LDB2: variants seen among roughly 807,000 people sequenced by gnomAD.
LDB2 encodes LIM domain binding 2.
In LDB2, 12 loss-of-function variants were observed where a neutral mutation model predicts 44.3. That is an observed-to-expected ratio of 0.27 (90% CI 0.17 to 0.44). LDB2 has a LOEUF of 0.44. Ranked by LOEUF, LDB2 falls within the 20% of genes least tolerant of loss-of-function variation. LDB2 has a pLI of 1.00. For synonymous variants in LDB2, 164 were observed against 174.8 expected, an observed-to-expected ratio of 0.94 and a Z score of 0.49; for missense variants, 344 against 473.5, an observed-to-expected ratio of 0.73 and a Z score of 2.54.
chr4:16,814,346 A>G (rs1303060973), intron 1 of LDB2, among the ~76,000 whole-genome samples: 3 of 152,334 alleles, frequency 2.0e-5, no homozygotes, highest in Admixed American at 6.5e-5. Flanking sequence ...AGATTCAGAC[A>G]GTTGGATTCT....
chr4:16,785,647 C>T (rs1416653242), intron 1 of LDB2, among the ~76,000 whole-genome samples: 1 of 152,152 alleles, frequency 6.6e-6, no homozygotes, highest in Non-Finnish European at 1.5e-5. Context: ...CTGAGAAATG[C>T]ATGGCAGATA....
chr4:16,784,810 T>C (rs540894289), intron 1 of LDB2, among the ~76,000 whole-genome samples: 8 of 152,294 alleles, frequency 5.3e-5, no homozygotes, highest in African/African-American at 1.9e-4. Flanking sequence ...ATATACCCTA[T>C]GCACTCTGCA....
At chr4:16,604,168 C>A (rs1357123475) in intron 2 of LDB2, among the ~76,000 whole-genome samples, 2 of 152,072 alleles carry the variant, frequency 1.3e-5, no homozygotes, top group Non-Finnish European at 1.5e-5. Flanking sequence ...ATATGTTGCA[C>A]CCTCTGAAGT....
Position 16,582,446 on chromosome 4 carries a change from A to G in LDB2, c.615+3476T>C, listed in dbSNP as rs1018246192. ...ACTTCTGCTTCCCAACAAACAAGGC[A>G]AAGGACACATTTCCGAGTTCCTGGC... On this transcript the variant is annotated intron_variant, in intron 5 of 7. Transcript: ENST00000304523. The surrounding 1 kb of genome is among the most constrained non-coding windows in gnomAD (Gnocchi z 4.8). 6.6e-6 allele frequency among the ~76,000 whole-genome samples: 1 copy of G among 152,140 alleles called. No homozygotes were observed.
chr4:16,646,609 A>G (rs1403129248), intron 2 of LDB2, among the ~76,000 whole-genome samples: 1 of 152,218 alleles, frequency 6.6e-6, no homozygotes, highest in African/African-American at 2.4e-5. Context: ...GCTTGGAGTC[A>G]AGCCCTACCA....
chr4:16,701,551 C>T (rs766545558), intron 2 of LDB2, among the ~76,000 whole-genome samples: 4 of 152,176 alleles, frequency 2.6e-5, no homozygotes, highest in Non-Finnish European at 4.4e-5. Flanking sequence ...ACACTGTGAT[C>T]GTAACCCGCA....
intron 2 of LDB2, among the ~76,000 whole-genome samples, chr4:16,601,068 G>A (rs1383084855): frequency 6.6e-6 from 1 of 151,712 alleles, no homozygotes; most frequent in Non-Finnish European, 1.5e-5. Flanking sequence ...GAAAATATTC[G>A]AACTAGTTAT....
At chr4:16,608,655 C>G (rs550110429) in intron 2 of LDB2, among the ~76,000 whole-genome samples, 2 of 152,200 alleles carry the variant, frequency 1.3e-5, no homozygotes, top group Admixed American at 6.5e-5. Flanking sequence ...ACATAACAAG[C>G]GCACCGGACT....
intron 5 of LDB2, among the ~76,000 whole-genome samples, chr4:16,557,932 C>G (rs1397207161): frequency 1.3e-5 from 2 of 152,338 alleles, no homozygotes; most frequent in East Asian, 3.9e-4. Context: ...TCTGCAGACA[C>G]CGCTGCTGAT....
intron 2 of LDB2, among the ~76,000 whole-genome samples, chr4:16,640,589 A>AAAACAAGTAGTT (rs1331908311): frequency 8.5e-5 from 13 of 152,224 alleles, no homozygotes; most frequent in African/African-American, 2.9e-4. Context: ...GCCAGACACT[A>AAAACAAGTAGTT]TTAAAACTAC....
chr4:16,786,373 A>G (rs974598819), intron 1 of LDB2, among the ~76,000 whole-genome samples: 1 of 152,198 alleles, frequency 6.6e-6, no homozygotes, highest in African/African-American at 2.4e-5. Context: ...CATTTCAACT[A>G]GAATGTGAAC....
intron 1 of LDB2, among the ~76,000 whole-genome samples, chr4:16,886,848 C>T (rs1368125672): frequency 6.6e-6 from 1 of 151,560 alleles, no homozygotes; most frequent in South Asian, 2.1e-4. Flanking sequence ...CTGGCTAACA[C>T]GGTGAAATCC....
intron 2 of LDB2, among the ~76,000 whole-genome samples, chr4:16,728,484 T>TG (rs5856381): frequency 6.6e-6 from 1 of 151,920 alleles, no homozygotes; most frequent in Admixed American, 6.6e-5. Flanking sequence ...TAACTCCAAA[T>TG]TTTTTTAAGT....
chr4:16,645,622 T>A (rs1240333793), intron 2 of LDB2, among the ~76,000 whole-genome samples: 2 of 151,632 alleles, frequency 1.3e-5, no homozygotes, highest in African/African-American at 4.8e-5. Context: ...TTTTACCTAC[T>A]TACACTCAAA....
chr4:16,515,074 G>A (rs1407773500), intron 5 of LDB2, among the ~76,000 whole-genome samples: 1 of 152,108 alleles, frequency 6.6e-6, no homozygotes, highest in Non-Finnish European at 1.5e-5. Flanking sequence ...AGAAAATGTG[G>A]TACACATTCA....
At chr4:16,764,580 T>C (rs891029309) in intron 1 of LDB2, among the ~76,000 whole-genome samples, 2 of 151,712 alleles carry the variant, frequency 1.3e-5, no homozygotes, top group Non-Finnish European at 2.9e-5. Context: ...GTCAGTCATC[T>C]AGAATGGTAT....
At chr4:16,890,023 A>G (rs934003240) in intron 1 of LDB2, among the ~76,000 whole-genome samples, 1 of 152,128 alleles carries the variant, frequency 6.6e-6, no homozygotes. Flanking sequence ...TCCCAACTCA[A>G]CTGAGGTCTC....
At chr4:16,603,556 G>A (rs986798157) in intron 2 of LDB2, among the ~76,000 whole-genome samples, 1 of 152,140 alleles carries the variant, frequency 6.6e-6, no homozygotes, top group African/African-American at 2.4e-5. Flanking sequence ...TCCTTATGAC[G>A]ATACAATAGT....
rs114236612 is a variant in LDB2 at position 16,870,157 on chromosome 4, G to A, written c.132+28197C>T. On this transcript the variant is annotated intron_variant, in intron 1 of 7. Transcript: ENST00000304523. ...GAAGGAAGGAGATGCAGAAGATGCC[G>A]TGGATTCAGTGTTTGGAAGACTAAC... Among the ~76,000 whole-genome samples, 88 of 152,286 alleles carry A rather than the reference G, an allele frequency of 5.8e-4. 1 individual carries two copies. Among genetic ancestry groups the A allele is most frequent in the African/African-American group, 2.0e-3 (82 of 41,568 alleles).
Sources: allele counts gnomAD v4.1 joint callset (sites outside exome capture counted in the v4.1 genomes callset), GRCh38; gene constraint gnomAD v4.1.1; non-coding constraint Gnocchi (gnomAD v3.1); transcripts MANE v1.5; gene names NCBI Gene and HGNC (gene_info 2026-07-23, HGNC 2026-07-21).